DNAH6: variants seen among roughly 807,000 people sequenced by gnomAD.
The protein encoded by DNAH6 is dynein axonemal heavy chain 6.
In DNAH6, 340 loss-of-function variants were observed where a neutral mutation model predicts 491.4. The observed-to-expected ratio is 0.69, with a 90% CI of 0.63 to 0.76. The LOEUF (loss-of-function observed/expected upper bound fraction) is 0.76. Ranked by LOEUF, DNAH6 falls within the 30% of genes least tolerant of loss-of-function variation. The pLI, the probability that DNAH6 is intolerant of heterozygous loss-of-function variation, is 0.00. For synonymous variants in DNAH6, 1,603 were observed against 1,686.1 expected (o/e 0.95, Z 1.21); for missense variants, 4,443 against 4,972.2 (o/e 0.89, Z 3.20).
chr2:84,547,513 T>C lies in DNAH6; in HGVS notation c.1087T>C (p.Phe363Leu). 5.2e-6 allele frequency: 8 copies of C among 1,551,672 alleles called. No homozygotes were observed. The highest frequency in any genetic ancestry group is 7.0e-6 in the Non-Finnish European group (8 of 1,146,924). Residue 363 changes from phenylalanine to leucine, a missense_variant, in exon 7 of 77, where the codon TTT (phenylalanine) becomes CTT (leucine). This residue lies in a region of DNAH6 where 2,977 missense variants were observed against 3,296.6 expected (regional missense o/e 0.90). Coordinates refer to ENST00000389394, the MANE Select transcript of DNAH6 (RefSeq NM_001370.2). ...CTAGGTGACAGAACGCCTAGGAGAATTTCGAAATGAGGCAAAATATGTAGT... is the reference window on the plus strand; with the variant it reads ...CTAGGTGACAGAACGCCTAGGAGAACTTCGAAATGAGGCAAAATATGTAGT... The part of the protein sequence containing the change: ...LAEVTERLGE[F>L]RNEAKYVVRR...
Position 84,816,063 on chromosome 2 carries a change from C to G in DNAH6, c.12353C>G (p.Ala4118Gly), listed in dbSNP as rs1455365061. Reference protein sequence around the residue: ...HCPLYKTGARAGTLSTTGHST... With the variant: ...HCPLYKTGARGGTLSTTGHST... ...CCACTTTATAAAACAGGAGCCCGGG[C>G]AGGAACACTCTCAACCACAGGTGAG... The change falls in exon 76 of 77, where the codon GCA becomes GGA. Residue 4118 changes from alanine to glycine, a missense_variant. This residue lies in a region of DNAH6 where 1,463 missense variants were observed against 1,656.6 expected (regional missense o/e 0.88). Coordinates refer to ENST00000389394, the MANE Select transcript of DNAH6 (RefSeq NM_001370.2). 52 of 1,551,108 alleles carry G rather than the reference C, an allele frequency of 3.4e-5. No individual in the cohort carries two copies. Among genetic ancestry groups the G allele is most frequent in the Non-Finnish European group, 4.5e-5 (52 of 1,146,642 alleles).
At chr2:84,695,795 A>C (rs915936586) in intron 46 of DNAH6, among the ~76,000 whole-genome samples, 2 of 152,076 alleles carry the variant, frequency 1.3e-5, no homozygotes, top group Non-Finnish European at 2.9e-5. Flanking sequence ...TATTTCTGAT[A>C]GTGCTTTTAA....
chr2:84,717,182 A>C (rs1216635270), intron 58 of DNAH6, among the ~76,000 whole-genome samples: 1 of 152,092 alleles, frequency 6.6e-6, no homozygotes, highest in African/African-American at 2.4e-5. Flanking sequence ...CACCTCACAG[A>C]CTTCCTTGGC....
chr2:84,640,639 G>C, intron 32 of DNAH6, 61 bp downstream of exon 32: 1 of 1,469,060 alleles, frequency 6.8e-7, no homozygotes, highest in African/African-American at 1.4e-5. Context: ...GCATTAAATG[G>C]GTAACTCAGG....
At chr2:84,586,174 A>T (rs1312705213) in intron 15 of DNAH6, among the ~76,000 whole-genome samples, 1 of 152,208 alleles carries the variant, frequency 6.6e-6, no homozygotes, top group South Asian at 2.1e-4. Flanking sequence ...GGGTCTTCCC[A>T]TGCCCCCAAG....
intron 10 of DNAH6, among the ~76,000 whole-genome samples, chr2:84,555,573 A>G (rs952538646): frequency 7.9e-5 from 12 of 152,076 alleles, no homozygotes; most frequent in East Asian, 3.8e-4. Context: ...ATCTATATCT[A>G]CCTATCTATA....
At chr2:84,781,077 A>G (rs1197724184) in intron 64 of DNAH6, among the ~76,000 whole-genome samples, 1 of 152,134 alleles carries the variant, frequency 6.6e-6, no homozygotes, top group East Asian at 1.9e-4. Flanking sequence ...AATAATATGT[A>G]TTTTTCTGTA....
At chr2:84,652,435 A>T (rs938842728) in intron 33 of DNAH6, among the ~76,000 whole-genome samples, 3 of 152,058 alleles carry the variant, frequency 2.0e-5, no homozygotes, top group Admixed American at 1.3e-4. Context: ...TTATTGATTT[A>T]TAGAAAGTCA....
chr2:84,716,450 G>A (rs952657458), intron 58 of DNAH6, among the ~76,000 whole-genome samples: 3 of 151,832 alleles, frequency 2.0e-5, no homozygotes, highest in Non-Finnish European at 2.9e-5. Context: ...TTAGACCCAT[G>A]TTCAAAAGAA....
chr2:84,506,268 G>A, the DNAH6 span, among the ~76,000 whole-genome samples: 1 of 152,192 alleles, frequency 6.6e-6, no homozygotes, highest in Admixed American at 6.5e-5. Flanking sequence ...TCTAACTGGT[G>A]TGAGATGGTA....
the DNAH6 span, among the ~76,000 whole-genome samples, chr2:84,474,242 A>T: frequency 3.9e-5 from 6 of 152,262 alleles, no homozygotes; most frequent in East Asian, 9.7e-4. Context: ...CCATTTCCCT[A>T]ATTTTTTCTT....
intron 42 of DNAH6, among the ~76,000 whole-genome samples, chr2:84,682,102 T>C (rs1160855978): frequency 1.3e-5 from 2 of 152,220 alleles, no homozygotes; most frequent in Non-Finnish European, 2.9e-5. Context: ...CTCTCCTCCC[T>C]GTCTCACTTA....
chr2:84,643,687 T>C lies in DNAH6; in HGVS notation c.5078+1633T>C, dbSNP rs182622522. On this transcript the variant is annotated intron_variant, in intron 33 of 76. Coordinates refer to ENST00000389394, the MANE Select transcript of DNAH6 (RefSeq NM_001370.2). ...TCAAAGGCATTCTTCATCTCTGTTA[T>C]AGTGTGCTGGTTTTTATAATTCATT... is the stretch of plus-strand genomic sequence containing the variant. Among the ~76,000 whole-genome samples the C allele has an allele frequency of 6.6e-5, 10 of 152,336 alleles. No individual in the cohort carries two copies. The East Asian group carries it at 7.7e-4, about 12-fold the overall frequency.
the DNAH6 span, among the ~76,000 whole-genome samples, chr2:84,468,775 C>T: frequency 1.3e-5 from 2 of 152,122 alleles, no homozygotes; most frequent in Non-Finnish European, 2.9e-5. Context: ...TTTGAGTTTT[C>T]AAAGACTTTT....
At chr2:84,600,997 A>ACT (rs1367407893) in intron 18 of DNAH6, among the ~76,000 whole-genome samples, 25 of 147,238 alleles carry the variant, frequency 1.7e-4, no homozygotes, top group African/African-American at 5.7e-4. Context: ...TAATAATAAT[A>ACT]ATATACTATA....
chr2:84,817,030 A>T (rs1002173147), intron 76 of DNAH6, among the ~76,000 whole-genome samples: 10 of 152,230 alleles, frequency 6.6e-5, no homozygotes, highest in Non-Finnish European at 1.3e-4. Flanking sequence ...GTTTGAAAAA[A>T]TAATGGCTGG....
intron 19 of DNAH6, among the ~76,000 whole-genome samples, 199 bp downstream of exon 19, chr2:84,604,750 A>G (rs1685588932): frequency 6.6e-6 from 1 of 152,124 alleles, no homozygotes; most frequent in Non-Finnish European, 1.5e-5. Flanking sequence ...ATCCTATAAC[A>G]CATAGGAACT....
intron 24 of DNAH6, among the ~76,000 whole-genome samples, chr2:84,620,872 A>T (rs1407315010): frequency 6.6e-6 from 1 of 152,224 alleles, no homozygotes; most frequent in Non-Finnish European, 1.5e-5. Context: ...TTGGGAGGAC[A>T]TGGGAAAACT....
At chr2:84,794,268 C>G (rs553099936) in intron 68 of DNAH6, among the ~76,000 whole-genome samples, 50 of 152,220 alleles carry the variant, frequency 3.3e-4, no homozygotes, top group Admixed American at 2.9e-3. Flanking sequence ...TAGGCATGGG[C>G]AAGGACTTCA....
Sources: gnomAD v4.1 joint callset for allele counts (sites outside exome capture counted in the v4.1 genomes callset) on GRCh38, gnomAD v4.1.1 for gene constraint, gnomAD v4.1.1 regional missense constraint, MANE v1.5 for transcripts, NCBI Gene and HGNC (gene_info 2026-07-23, HGNC 2026-07-21) for gene names.